The following SRC variants were observed in gnomAD, a reference collection of about 807,000 sequenced individuals.
The protein encoded by SRC is proto-oncogene tyrosine-protein kinase Src.
SRC carries 13 observed loss-of-function variants against 62.9 expected under a neutral mutation model. The ratio of observed to expected loss-of-function variants is 0.21; its 90% CI spans 0.13 to 0.33. SRC has a LOEUF of 0.33. SRC is among the 10% of genes least tolerant of loss of function. The pLI is 1.00. For missense variants in SRC, 457 were observed against 737.3 expected (o/e 0.62, Z 4.40); for synonymous variants, 302 against 317.5 (o/e 0.95, Z 0.52).
chr20:37,362,714 TG>T (rs199675719), intron 1 of SRC, among the ~76,000 whole-genome samples: 2,475 of 142,488 alleles, frequency 0.017, 34 homozygotes, highest in Non-Finnish European at 0.025. Context: ...TGACAGACTC[TG>T]GGATGGTTCC....
intron 1 of SRC, among the ~76,000 whole-genome samples, chr20:37,346,906 C>T (rs2069731729): frequency 1.3e-5 from 2 of 152,182 alleles, no homozygotes; most frequent in African/African-American, 4.8e-5. Context: ...GGGTTGGCCA[C>T]CGGGCCAGGT....
intron 2 of SRC, among the ~76,000 whole-genome samples, chr20:37,382,250 A>G (rs2070376009): frequency 6.6e-6 from 1 of 152,192 alleles, no homozygotes; most frequent in African/African-American, 2.4e-5. Context: ...CTAGCACCCT[A>G]CAGTGTCTTG....
chr20:37,365,945 T>C (rs1444242288), intron 2 of SRC, among the ~76,000 whole-genome samples: 2 of 152,066 alleles, frequency 1.3e-5, no homozygotes, highest in African/African-American at 2.4e-5. Context: ...ACACACACAA[T>C]TGACTTTTTT....
chr20:37,376,555 GTGCAATGGCACAATGTC>G (rs2070281828), intron 2 of SRC, among the ~76,000 whole-genome samples: 2 of 152,192 alleles, frequency 1.3e-5, no homozygotes, highest in African/African-American at 4.8e-5. Flanking sequence ...CCAGGCTGGA[GTGCAATGGCACAATGTC>G]TGCTCACTGT....
chr20:37,397,815 G>A lies in SRC; in HGVS notation c.820G>A (p.Val274Ile), dbSNP rs2070679172. The A allele has an allele frequency of 6.2e-7, 1 of 1,611,658 alleles. No individual in the cohort carries two copies. The highest frequency in any genetic ancestry group is 1.1e-5 in the South Asian group (1 of 90,864). ...CCCTCGGGAGTCGCTGCGGCTGGAGGTCAAGCTGGGCCAGGGCTGCTTTGG... is the reference window on the plus strand; with the variant it reads ...CCCTCGGGAGTCGCTGCGGCTGGAGATCAAGCTGGGCCAGGGCTGCTTTGG... Reference protein sequence around the residue: ...EIPRESLRLEVKLGQGCFGEV... With the variant: ...EIPRESLRLEIKLGQGCFGEV... Residue 274 changes from valine (V) to isoleucine (I), a missense_variant, in exon 9 of 14, where the codon GTC (valine) becomes ATC (isoleucine). By Grantham distance (29) the Val-to-Ile change is conservative. Coordinates refer to ENST00000373578, the MANE Select transcript of SRC (RefSeq NM_198291.3). The surrounding 1 kb of genome is among the most constrained non-coding windows in gnomAD (Gnocchi z 4.1).
rs1352624429 is a variant in SRC, at chr20:37,368,518, C to CTTTTTTTTTTTTTTTTTTTT, written c.-173+3247_-173+3266dup. Among the ~76,000 whole-genome samples the CTTTTTTTTTTTTTTTTTTTT allele has an allele frequency of 1.4e-3, 107 of 73,914 alleles. 13 individuals are homozygous for CTTTTTTTTTTTTTTTTTTTT. Among genetic ancestry groups the CTTTTTTTTTTTTTTTTTTTT allele is most frequent in the Non-Finnish European group, 1.8e-3 (68 of 36,920 alleles). The allele number at this position is 73,914 out of a possible 152,430, so 48.5% of individuals were successfully genotyped here. A position where few individuals can be genotyped will look rare whatever the true frequency, so the allele number is the denominator to read the frequency against. On this transcript the variant is annotated intron_variant, in intron 2 of 13. Transcript: ENST00000373578. ...GTCATAACATTTATGCCTATATTTT[C>CTTTTTTTTTTTTTTTTTTTT]TTTTTTTTTTTTTTTTTTTTTTTTT...
rs377428918 is a variant in SRC, at chr20:37,402,002, C to CT, written c.1116+335dup. ...TTGCTGTAGGCAGTGGTCAACAAGC[C>CT]TTTTTTTTTTTCATTTAATCCTCAT... is the stretch of plus-strand genomic sequence containing the variant. On this transcript the variant is annotated intron_variant, in intron 11 of 13. Transcript: ENST00000373578. The surrounding 1 kb of genome is among the most constrained non-coding windows in gnomAD (Gnocchi z 6.2). 7,597 of 296,682 alleles carry CT rather than the reference C, an allele frequency of 0.026. 16 individuals are homozygous for CT. Among genetic ancestry groups the CT allele is most frequent in the Middle Eastern group, 0.038 (41 of 1,092 alleles). 18.4% of individuals were successfully genotyped at this position (296,682 alleles called of 1,614,324 possible).
At position 37,403,748 on chromosome 20, in the gene SRC, C is replaced by T; in HGVS notation, c.*369C>T. ...TACTCCGCTCACTGAACTCCTTCCC[C>T]ACTTCTGTGCCACCCCCGGTCTATG... On this transcript the variant is annotated 3_prime_UTR_variant, in exon 14 of 14. Coordinates refer to ENST00000373578, the MANE Select transcript of SRC (RefSeq NM_198291.3). The surrounding 1 kb of genome is among the most constrained non-coding windows in gnomAD (Gnocchi z 7.1). 3.2e-6 allele frequency: 1 copy of T among 316,626 alleles called. No homozygotes were observed. Among genetic ancestry groups the T allele is most frequent in the Non-Finnish European group, 6.0e-6 (1 of 167,952 alleles). The allele number at this position is 316,626 out of a possible 1,614,324, so 19.6% of individuals were successfully genotyped here. A position where few individuals can be genotyped will look rare whatever the true frequency, so the allele number is the denominator to read the frequency against.
chr20:37,370,543 C>A (rs1391572657), intron 2 of SRC, among the ~76,000 whole-genome samples: 3 of 152,282 alleles, frequency 2.0e-5, no homozygotes, highest in East Asian at 1.9e-4. Context: ...CCACTGCACT[C>A]CAGCCTGGGT....
chr20:37,367,279 C>T (rs1164728451), intron 2 of SRC, among the ~76,000 whole-genome samples: 4 of 150,672 alleles, frequency 2.7e-5, no homozygotes, highest in African/African-American at 9.8e-5. Context: ...GGGGTCTCAC[C>T]GTGTTGCCCA....
At chr20:37,372,706 G>A (rs1476271609) in intron 2 of SRC, among the ~76,000 whole-genome samples, 1 of 152,184 alleles carries the variant, frequency 6.6e-6, no homozygotes, top group East Asian at 1.9e-4. Flanking sequence ...GAGTGAGGTT[G>A]AGCATCTTGT....
rs571816750 is a variant in SRC, at chr20:37,399,978, G to T, written c.860-137G>T. The stretch of plus-strand genomic sequence containing the variant: ...ATGGGGAGACTGAGGCTCAGAAAGG[G>T]CCCAGGCTTTGACTGGGTTTGTCAC... On this transcript the variant is annotated intron_variant, in intron 9 of 13. Coordinates refer to ENST00000373578, the MANE Select transcript of SRC (RefSeq NM_198291.3). 276 of 745,492 alleles carry T rather than the reference G, an allele frequency of 3.7e-4. 2 individuals are homozygous for T. The African/African-American group carries it at 4.4e-3, about 12-fold the overall frequency. The allele number at this position is 745,492 out of a possible 1,614,324, so 46.2% of individuals were successfully genotyped here.
At chr20:37,400,375 T>A (rs2070719932) in intron 10 of SRC, 81 bp downstream of exon 10, 10 of 1,298,374 alleles carry the variant, frequency 7.7e-6, no homozygotes, top group African/African-American at 1.5e-5. Flanking sequence ...CTCTCATGTC[T>A]AGAATGGGCA....
intron 1 of SRC, among the ~76,000 whole-genome samples, chr20:37,353,044 G>A (rs963905300): frequency 3.9e-5 from 6 of 152,144 alleles, no homozygotes; most frequent in South Asian, 4.1e-4. Context: ...CAAGTCATAG[G>A]ATTCTTTTTG....
intron 1 of SRC, among the ~76,000 whole-genome samples, chr20:37,363,222 G>A (rs2070004522): frequency 6.6e-6 from 1 of 152,188 alleles, no homozygotes; most frequent in Non-Finnish European, 1.5e-5. Context: ...AAGCTTCCTG[G>A]CCCTGCTCTC....
At chr20:37,380,284 A>G (rs558412629) in intron 2 of SRC, among the ~76,000 whole-genome samples, 2 of 152,120 alleles carry the variant, frequency 1.3e-5, no homozygotes, top group African/African-American at 4.8e-5. Flanking sequence ...TGGGGGTAGG[A>G]GGTGGGGCCT....
chr20:37,356,611 C>T (rs925599618), intron 1 of SRC, among the ~76,000 whole-genome samples: 2 of 152,108 alleles, frequency 1.3e-5, no homozygotes, highest in Non-Finnish European at 2.9e-5. Context: ...GTGGTGGAGA[C>T]GTGTTGCAGC....
chr20:37,402,095 A>G lies in SRC; in HGVS notation c.1117-340A>G. 6.3e-6 allele frequency: 2 copies of G among 314,978 alleles called. No individual in the cohort carries two copies. Among genetic ancestry groups the G allele is most frequent in the African/African-American group, 2.2e-5 (1 of 46,278 alleles). 19.5% of individuals were successfully genotyped at this position (314,978 alleles called of 1,614,324 possible). Reference sequence around the variant, plus strand: ...CGGATGAGAAAACTGAGGCTCAGAGAGGGGACTTGGGCAGCAGGCAGGACC... The same window carrying G: ...CGGATGAGAAAACTGAGGCTCAGAGGGGGGACTTGGGCAGCAGGCAGGACC... On this transcript the variant is annotated intron_variant, in intron 11 of 13. Coordinates refer to ENST00000373578, the MANE Select transcript of SRC (RefSeq NM_198291.3). The surrounding 1 kb of genome is among the most constrained non-coding windows in gnomAD (Gnocchi z 6.2).
At chr20:37,378,990 G>C (rs2070318840) in intron 2 of SRC, among the ~76,000 whole-genome samples, 1 of 146,658 alleles carries the variant, frequency 6.8e-6, no homozygotes, top group Non-Finnish European at 1.5e-5. Context: ...TGCAGGGGTT[G>C]TCGCTGAGTC....
Sources: allele counts gnomAD v4.1 joint callset (sites outside exome capture counted in the v4.1 genomes callset), GRCh38; gene constraint gnomAD v4.1.1; non-coding constraint Gnocchi (gnomAD v3.1); transcripts MANE v1.5; gene names NCBI Gene and HGNC (gene_info 2026-07-23, HGNC 2026-07-21).